The following EVL variants were observed in gnomAD, a reference collection of about 807,000 sequenced individuals.
EVL encodes ena/VASP-like protein.
In EVL, 21 loss-of-function variants were observed where a neutral mutation model predicts 59.6. The observed-to-expected ratio is 0.35, with a 90% CI of 0.25 to 0.51. EVL has a LOEUF of 0.51. Ranked by LOEUF, EVL falls within the 20% of genes least tolerant of loss-of-function variation. The probability of loss-of-function intolerance (pLI) is 0.97; values close to 1 mark genes in which losing one functional copy is unlikely to be tolerated. For synonymous variants in EVL, 198 were observed against 203.5 expected, an observed-to-expected ratio of 0.97 and a Z score of 0.23; for missense variants, 462 against 546.6, an observed-to-expected ratio of 0.85 and a Z score of 1.54.
intron 2 of EVL, among the ~76,000 whole-genome samples, chr14:100,093,705 T>C (rs550196985): frequency 2.0e-5 from 3 of 152,016 alleles, no homozygotes; most frequent in Admixed American, 1.3e-4. Flanking sequence ...ACTTCCTGAG[T>C]TGGAAGTGAT....
intron 11 of EVL, chr14:100,140,616 GAAAAA>G (rs1200647950): frequency 1.4e-5 from 2 of 142,832 alleles, no homozygotes; most frequent in African/African-American, 2.5e-5. Context: ...AACTCTGTCT[GAAAAA>G]AAAAAAGCGA....
At chr14:100,129,510 T>C (rs1476312581) in intron 6 of EVL, 53 bp from the exon 7 acceptor site, 1 of 1,609,352 alleles carries the variant, frequency 6.2e-7, no homozygotes, top group African/African-American at 1.3e-5. Context: ...TCGTTGCTGC[T>C]CCTGTTCTGC....
At chr14:100,135,869 G>GCCTTC in intron 8 of EVL, 36 bp from the exon 9 acceptor site, 2 of 1,607,014 alleles carry the variant, frequency 1.2e-6, no homozygotes, top group Non-Finnish European at 1.7e-6. Context: ...GCCCCAGGTG[G>GCCTTC]CCTTCCTAAA....
rs1412048804 is a variant in EVL at position 100,055,811 on chromosome 14, TTCTTTC to T, written c.6-28870_6-28865del. On this transcript the variant is annotated intron_variant, in intron 1 of 13. Coordinates refer to the EVL transcript ENST00000402714. ...TTGTTGTCTTTTTTCTTTTTTCTTT[TTCTTTC>T]TCTTTTTCTTTTGGAGACGGAGTCT... Among the ~76,000 whole-genome samples, 770 of 143,104 alleles carry T rather than the reference TTCTTTC, an allele frequency of 5.4e-3. 2 individuals carry two copies. Among genetic ancestry groups the T allele is most frequent in the African/African-American group, 0.015 (607 of 40,812 alleles). 93.9% of individuals were successfully genotyped at this position (143,104 alleles called of 152,430 possible).
At chr14:100,003,661 T>C (rs1238879960) in intron 1 of EVL, among the ~76,000 whole-genome samples, 2 of 152,038 alleles carry the variant, frequency 1.3e-5, no homozygotes, top group African/African-American at 4.8e-5. Context: ...GGGTGATCAC[T>C]GCCCTCCTTG....
At chr14:99,998,308 C>T (rs2060926235) in intron 1 of EVL, among the ~76,000 whole-genome samples, 1 of 152,132 alleles carries the variant, frequency 6.6e-6, no homozygotes, top group Admixed American at 6.6e-5. Flanking sequence ...TGAGCCCCTG[C>T]ACTCCGCACA....
intron 1 of EVL, among the ~76,000 whole-genome samples, chr14:100,074,253 A>G (rs1431070473): frequency 6.6e-6 from 1 of 152,158 alleles, no homozygotes; most frequent in East Asian, 1.9e-4. Context: ...GTTAGAAGTT[A>G]AAAGAGTAGT....
rs1442424331 is a variant in EVL, at chr14:100,108,457, G to A, written c.358+10799G>A. ...TGGCCCTGCCTGAGGGGAACAGGACGGCAAGCCCCTGGCCTCCTGCCTGCT... is the reference window on the plus strand; with the variant it reads ...TGGCCCTGCCTGAGGGGAACAGGACAGCAAGCCCCTGGCCTCCTGCCTGCT... On this transcript the variant is annotated intron_variant, in intron 3 of 13. Coordinates refer to ENST00000392920, the MANE Select transcript of EVL (RefSeq NM_016337.3). The surrounding 1 kb of genome is among the most constrained non-coding windows in gnomAD (Gnocchi z 4.1). Among the ~76,000 whole-genome samples, 2 of 152,188 alleles carry A rather than the reference G, an allele frequency of 1.3e-5. No homozygotes were observed. The highest frequency in any genetic ancestry group is 2.4e-5 in the African/African-American group (1 of 41,448).
intron 1 of EVL, among the ~76,000 whole-genome samples, chr14:99,994,761 G>A (rs2060901735): frequency 6.6e-6 from 1 of 151,982 alleles, no homozygotes; most frequent in Non-Finnish European, 1.5e-5. Flanking sequence ...ATATTCTCAT[G>A]GTTTCATGAT....
intron 1 of EVL, among the ~76,000 whole-genome samples, chr14:100,005,550 A>G (rs900286357): frequency 2.0e-5 from 3 of 151,868 alleles, no homozygotes; most frequent in African/African-American, 7.3e-5. Flanking sequence ...ACAGAATTCA[A>G]TCAACTGAGA....
chr14:100,033,225 T>C (rs2061340256), intron 1 of EVL, among the ~76,000 whole-genome samples: 1 of 152,238 alleles, frequency 6.6e-6, no homozygotes, highest in South Asian at 2.1e-4. Flanking sequence ...AGTCCTTACA[T>C]ATATAAATTA....
chr14:100,131,874 T>C (rs1328981332), intron 7 of EVL, among the ~76,000 whole-genome samples: 4 of 152,142 alleles, frequency 2.6e-5, no homozygotes, highest in African/African-American at 9.7e-5. Flanking sequence ...AGACCTGTCC[T>C]GAGATGGGAG....
At chr14:100,047,564 A>G (rs1350579578) in intron 1 of EVL, among the ~76,000 whole-genome samples, 2 of 151,992 alleles carry the variant, frequency 1.3e-5, no homozygotes, top group Non-Finnish European at 2.9e-5. Flanking sequence ...TATGATTTCT[A>G]TTTGCCTTAT....
chr14:100,104,213 G>A (rs898288944), intron 3 of EVL, among the ~76,000 whole-genome samples: 5 of 152,218 alleles, frequency 3.3e-5, no homozygotes, highest in Admixed American at 6.5e-5. Flanking sequence ...TCTGCATTCA[G>A]CAGCCCCAGG....
chr14:100,089,523 A>G (rs1221942282), intron 2 of EVL, among the ~76,000 whole-genome samples: 3 of 152,258 alleles, frequency 2.0e-5, no homozygotes, highest in South Asian at 4.1e-4. Flanking sequence ...CTAATACTGG[A>G]TGAACCATGA....
intron 2 of EVL, among the ~76,000 whole-genome samples, chr14:100,093,286 A>G (rs1304975369): frequency 6.6e-6 from 1 of 152,242 alleles, no homozygotes; most frequent in East Asian, 1.9e-4. Context: ...TATATCCTGT[A>G]GAAATACATC....
chr14:99,997,440 G>A (rs756006621), intron 1 of EVL, among the ~76,000 whole-genome samples: 46 of 152,360 alleles, frequency 3.0e-4, no homozygotes, highest in Non-Finnish European at 4.0e-4. Context: ...AGATTAAGGT[G>A]TCTTATGCCA....
intron 1 of EVL, among the ~76,000 whole-genome samples, chr14:100,043,852 G>C (rs1241138314): frequency 6.6e-6 from 1 of 151,892 alleles, no homozygotes; most frequent in African/African-American, 2.4e-5. Context: ...GGGCTCAAGC[G>C]ATCTTCCCAC....
At chr14:100,135,575 G>A (rs1888728109) in intron 8 of EVL, 1 of 309,128 alleles carries the variant, frequency 3.2e-6, no homozygotes, top group Non-Finnish European at 6.2e-6. Context: ...CTCATGAGAA[G>A]TCAGTGAGAT....
Sources: allele counts gnomAD v4.1 joint callset (sites outside exome capture counted in the v4.1 genomes callset), GRCh38; gene constraint gnomAD v4.1.1; non-coding constraint Gnocchi (gnomAD v3.1); transcripts MANE v1.5; gene names NCBI Gene and HGNC (gene_info 2026-07-23, HGNC 2026-07-21).